Variants in SOX15 observed in about 807,000 individuals in gnomAD.
The protein encoded by SOX15 is SRY-box transcription factor 15.
A neutral mutation model predicts 15.9 loss-of-function variants in SOX15; 12 were observed. That is an observed-to-expected ratio of 0.75 (90% CI 0.48 to 1.22). The LOEUF (loss-of-function observed/expected upper bound fraction) is 1.22. Among genes scored for constraint, SOX15 ranks in the 50% most tolerant of loss-of-function variants. The pLI is 0.00. For synonymous variants in SOX15, 149 were observed against 142.8 expected, an observed-to-expected ratio of 1.04 and a Z score of -0.31; for missense variants, 309 against 313.9, an observed-to-expected ratio of 0.98 and a Z score of 0.12.
rs2071639621 is a variant in SOX15, at chr17:7,589,943, AC to A, written c.-268del. The A allele has an allele frequency of 2.3e-5, 10 of 434,448 alleles. No individual in the cohort carries two copies. Among genetic ancestry groups the A allele is most frequent in the Middle Eastern group, 6.0e-4 (1 of 1,678 alleles). 26.9% of individuals were successfully genotyped at this position (434,448 alleles called of 1,614,324 possible). A position where few individuals can be genotyped will look rare whatever the true frequency, so the allele number is the denominator to read the frequency against. ...TGTTCTGAGGCCTACTGACTGGGGG[AC>A]CCCCGGTCCCTCTCCCCGACCCGCA... On this transcript the variant is annotated 5_prime_UTR_variant, in exon 1 of 2. Transcript: ENST00000250055.
chr17:7,588,597 GTCTGGCCAGT>G (rs2071623765), intron 1 of SOX15, 51 bp from the exon 2 acceptor site: 1 of 1,568,732 alleles, frequency 6.4e-7, no homozygotes. Flanking sequence ...TTGGAGGTGA[GTCTGGCCAGT>G]TCTGGGCAGA....
intron 1 of SOX15, 127 bp downstream of exon 1, chr17:7,589,017 C>T (rs1388703036): frequency 4.6e-6 from 4 of 871,042 alleles, no homozygotes; most frequent in Non-Finnish European, 6.8e-6. Flanking sequence ...GGGCCTGCGC[C>T]CGCCACACCT....
chr17:7,588,572 G>A (rs1163384066), intron 1 of SOX15, 26 bp from the exon 2 acceptor site: 2 of 1,610,726 alleles, frequency 1.2e-6, no homozygotes, highest in Admixed American at 1.7e-5. Context: ...AGAGGTTAGA[G>A]GGCACTTCCC....
chr17:7,589,883 A>G lies in SOX15; in HGVS notation c.-207T>C. On this transcript the variant is annotated 5_prime_UTR_variant, in exon 1 of 2. Coordinates refer to ENST00000250055, the MANE Select transcript of SOX15 (RefSeq NM_006942.2). ...GCACACTTTGGGGAGAGTCGAATGC[A>G]AAATCCGCTGTCTGGTGCCCCGGCA... 1.7e-6 allele frequency: 1 copy of G among 574,542 alleles called. No homozygotes were observed. The highest frequency in any genetic ancestry group is 3.1e-5 in the East Asian group (1 of 32,516). 35.6% of individuals were successfully genotyped at this position (574,542 alleles called of 1,614,324 possible).
At position 7,590,050 on chromosome 17, in the gene SOX15, C is replaced by A; in HGVS notation, c.-374G>T. 4.2e-6 allele frequency: 1 copy of A among 236,090 alleles called. No homozygotes were observed. The highest frequency in any genetic ancestry group is 2.3e-5 in the African/African-American group (1 of 43,316). 14.6% of individuals were successfully genotyped at this position (236,090 alleles called of 1,614,324 possible). A position where few individuals can be genotyped will look rare whatever the true frequency, so the allele number is the denominator to read the frequency against. The stretch of plus-strand genomic sequence containing the variant: ...CTCCGGAGTTCCGACAGCTGCCAGG[C>A]GCGGATAGGCCAGACCTCTCCCACC... On this transcript the variant is annotated 5_prime_UTR_variant, in exon 1 of 2. Transcript: ENST00000250055.
In SOX15 at chr17:7,589,583, G is replaced by A. The variant is rs1464831989; in HGVS notation, c.94C>T (p.Arg32Trp). The A allele has an allele frequency of 1.9e-6, 3 of 1,576,734 alleles. No individual in the cohort carries two copies. The highest frequency in any genetic ancestry group is 2.6e-6 in the Non-Finnish European group (3 of 1,163,950). ...GCCGCGGGGCTCCCAGCGCCCTCCCGCTCCTGGGGTCCCGAAGATGAGGAG... is the reference window on the plus strand; with the variant it reads ...GCCGCGGGGCTCCCAGCGCCCTCCCACTCCTGGGGTCCCGAAGATGAGGAG... ...AASSSSGPQE[R>W]EGAGSPAAPG... The change falls in exon 1 of 2, where the codon CGG becomes TGG. Residue 32 changes from arginine (R) to tryptophan (W), a missense_variant. Transcript: ENST00000250055.
intron 1 of SOX15, 53 bp downstream of exon 1, chr17:7,589,091 C>A: frequency 7.0e-7 from 1 of 1,424,254 alleles, no homozygotes; most frequent in Non-Finnish European, 9.3e-7. Flanking sequence ...CACCAAGGCT[C>A]CAGAAGAGGG....
chr17:7,589,326 C>G lies in SOX15; in HGVS notation c.351G>C (p.Lys117Asn), dbSNP rs1461626859. Reference sequence around the variant, plus strand: ...TCTTGGCCTTGCGCCGAGGCCGGTACTTGTAGTCGGGGTAGTCGCGCAGGT... The same window carrying G: ...TCTTGGCCTTGCGCCGAGGCCGGTAGTTGTAGTCGGGGTAGTCGCGCAGGT... ...ARHLRDYPDY[K>N]YRPRRKAKSS... is the part of the protein sequence containing the mutation. Residue 117 changes from lysine to asparagine, a missense_variant, in exon 1 of 2, where the codon AAG (lysine) becomes AAC (asparagine). Transcript: ENST00000250055. The G allele has an allele frequency of 1.2e-6, 2 of 1,606,574 alleles. No homozygotes were observed. Among genetic ancestry groups the G allele is most frequent in the South Asian group, 1.1e-5 (1 of 90,342 alleles).
chr17:7,588,433 G>C lies in SOX15; in HGVS notation c.647C>G (p.Pro216Arg). 1.2e-6 allele frequency: 2 copies of C among 1,613,844 alleles called. No homozygotes were observed. The highest frequency in any genetic ancestry group is 4.5e-5 in the East Asian group (2 of 44,872). Residue 216 changes from proline to arginine, a missense_variant, in exon 2 of 2, where the codon CCC becomes CGC. Coordinates refer to ENST00000250055, the MANE Select transcript of SOX15 (RefSeq NM_006942.2). ...TYTHYLPPGS[P>R]TPYNPPLAGA... The stretch of plus-strand genomic sequence containing the variant: ...AGCAAGGGGAGGGTTGTATGGAGTG[G>C]GAGAGCCAGGGGGCAGGTAGTGGGT...
Position 7,588,466 on chromosome 17 carries a change from G to A in SOX15, c.614C>T (p.Pro205Leu), listed in dbSNP as rs2071621485. The change falls in exon 2 of 2, where the codon CCC (proline) becomes CTC (leucine). Residue 205 changes from proline (P) to leucine (L), a missense_variant. Physicochemically the swap from Pro to Leu is moderately conservative, Grantham distance 98 (BLOSUM62 -3). Coordinates refer to ENST00000250055, the MANE Select transcript of SOX15 (RefSeq NM_006942.2). ...AGGGGGCAGGTAGTGGGTATAGGTG[G>A]GCAGCAGTTCCCCCTGGAGCCTAGG... ...SDPRLQGELLPTYTHYLPPGS... is the reference protein window; with the variant it reads ...SDPRLQGELLLTYTHYLPPGS... 2 of 1,613,754 alleles carry A rather than the reference G, an allele frequency of 1.2e-6. No homozygotes were observed. Among genetic ancestry groups the A allele is most frequent in the Non-Finnish European group, 1.7e-6 (2 of 1,179,842 alleles).
Position 7,589,908 on chromosome 17 carries a change from A to C in SOX15, c.-232T>G. ...AAAATCCGCTGTCTGGTGCCCCGGC[A>C]CTGAAGAGGTGTTCTGAGGCCTACT... On this transcript the variant is annotated 5_prime_UTR_variant, in exon 1 of 2. Transcript: ENST00000250055. The C allele has an allele frequency of 1.8e-6, 1 of 556,436 alleles. No individual in the cohort carries two copies. The highest frequency in any genetic ancestry group is 3.1e-6 in the Non-Finnish European group (1 of 318,256). 34.5% of individuals were successfully genotyped at this position (556,436 alleles called of 1,614,324 possible). A position where few individuals can be genotyped will look rare whatever the true frequency, so the allele number is the denominator to read the frequency against.
At position 7,589,648 on chromosome 17, in the gene SOX15, T is replaced by G; in HGVS notation, c.29A>C (p.Gln10Pro). Residue 10 changes from glutamine (Q) to proline (P), a missense_variant, in exon 1 of 2, where the codon CAG becomes CCG. By Grantham distance (76) the Gln-to-Pro change is moderately conservative. Transcript: ENST00000250055. ...AGCCGGAGGCTCCAGGCTCCAGGCC[T>G]GGTCCTGTGAGGAGCCTGGTAGCGC... MALPGSSQDQAWSLEPPAAT... is the reference protein window; with the variant it reads MALPGSSQDPAWSLEPPAAT... The G allele has an allele frequency of 6.5e-7, 1 of 1,545,644 alleles. No homozygotes were observed. The highest frequency in any genetic ancestry group is 1.4e-5 in the African/African-American group (1 of 73,336).
chr17:7,589,502 A>G lies in SOX15; in HGVS notation c.175T>C (p.Trp59Arg). 1 of 1,613,164 alleles carries G rather than the reference A, an allele frequency of 6.2e-7. No individual in the cohort carries two copies. The highest frequency in any genetic ancestry group is 8.5e-7 in the Non-Finnish European group (1 of 1,179,716). Reference sequence around the variant, plus strand: ...ATCTGGCGGCGCTGAGCGGAGCTCCACACCATGAACGCGTTCATCGGCCGC... The same window carrying G: ...ATCTGGCGGCGCTGAGCGGAGCTCCGCACCATGAACGCGTTCATCGGCCGC... ...VKRPMNAFMV[W>R]SSAQRRQMAQ... is the part of the protein sequence containing the mutation. Residue 59 changes from tryptophan to arginine, a missense_variant, in exon 1 of 2, where the codon TGG becomes CGG. Coordinates refer to ENST00000250055, the MANE Select transcript of SOX15 (RefSeq NM_006942.2).
rs956096313 is a variant in SOX15, at chr17:7,589,317, A to G, written c.360T>C (p.Pro120=). 3.7e-6 allele frequency: 6 copies of G among 1,602,778 alleles called. No homozygotes were observed. The Admixed American group carries it at 5.2e-5, about 14-fold the overall frequency. ...CGCCCGAGCTCTTGGCCTTGCGCCG[A>G]GGCCGGTACTTGTAGTCGGGGTAGT... ...LRDYPDYKYR[P]RRKAKSSGAG... Residue 120 remains proline, a synonymous_variant, in exon 1 of 2, where the codon CCT becomes CCC. Coordinates refer to ENST00000250055, the MANE Select transcript of SOX15 (RefSeq NM_006942.2).
At position 7,589,088 on chromosome 17, in the gene SOX15, G is replaced by T. The variant is rs1041134645; in HGVS notation, c.533+56C>A. The T allele has an allele frequency of 4.2e-6, 6 of 1,412,754 alleles. No homozygotes were observed. In the African/African-American group the frequency reaches 7.3e-5, roughly 17 times the overall value. The allele number at this position is 1,412,754 out of a possible 1,614,324, so 87.5% of individuals were successfully genotyped here. ...TCCTCCGGCATCCGCCCCCACCAAG[G>T]CTCCAGAAGAGGGGCGCATGGGCCT... On this transcript the variant is annotated intron_variant, in intron 1 of 1. Coordinates refer to ENST00000250055, the MANE Select transcript of SOX15 (RefSeq NM_006942.2).
At position 7,589,437 on chromosome 17, in the gene SOX15, G is replaced by T. The variant is rs1249579195; in HGVS notation, c.240C>A (p.Ser80=). Reference sequence around the variant, plus strand: ...GCTTCCACTGCGCGCCCAGGCGCTTGGAGATCTCGGAGTTGTGCATCTTGG... The same window carrying T: ...GCTTCCACTGCGCGCCCAGGCGCTTTGAGATCTCGGAGTTGTGCATCTTGG... ...QNPKMHNSEI[S]KRLGAQWKLL... Residue 80 remains serine (S), a synonymous_variant, in exon 1 of 2, where the codon TCC becomes TCA. Transcript: ENST00000250055. 6.2e-7 allele frequency: 1 copy of T among 1,613,790 alleles called. No individual in the cohort carries two copies. Among genetic ancestry groups the T allele is most frequent in the Non-Finnish European group, 8.5e-7 (1 of 1,179,932 alleles).
intron 1 of SOX15, chr17:7,588,931 C>G (rs898461045): frequency 4.2e-5 from 25 of 590,264 alleles, no homozygotes; most frequent in African/African-American, 9.4e-5. Flanking sequence ...CAGGGCCCAC[C>G]ACCTTCAGAC....
Position 7,589,244 on chromosome 17 carries a change from C to G in SOX15, c.433G>C (p.Gly145Arg), listed in dbSNP as rs1218635261. ...GCGTACCCCGGCCCCCAGAGCGGGC[C>G]GCCGCTGGCCAGGTTGCCTCTTCCC... ...GQGRGNLASG[G>R]PLWGPGYATT... The change falls in exon 1 of 2, where the codon GGC becomes CGC. Residue 145 changes from glycine (G) to arginine (R), a missense_variant. Physicochemically the swap from Gly to Arg is moderately radical, Grantham distance 125. Coordinates refer to ENST00000250055, the MANE Select transcript of SOX15 (RefSeq NM_006942.2). 6.5e-7 allele frequency: 1 copy of G among 1,548,112 alleles called. No homozygotes were observed. The highest frequency in any genetic ancestry group is 1.4e-5 in the African/African-American group (1 of 73,206).
At position 7,589,184 on chromosome 17, in the gene SOX15, G is replaced by C; in HGVS notation, c.493C>G (p.Pro165Ala). ...TQPSRGFGYRPPSYSTAYLPG... is the reference protein window; with the variant it reads ...TQPSRGFGYRAPSYSTAYLPG... ...AGGTAGGCTGTCGAGTAGCTGGGGG[G>C]TCTGTACCCAAAGCCTCTGCTCGGT... The change falls in exon 1 of 2, where the codon CCC becomes GCC. Residue 165 changes from proline to alanine, a missense_variant. Transcript: ENST00000250055. The C allele has an allele frequency of 6.6e-7, 1 of 1,526,680 alleles. No homozygotes were observed. Among genetic ancestry groups the C allele is most frequent in the Non-Finnish European group, 8.8e-7 (1 of 1,133,726 alleles). The allele number at this position is 1,526,680 out of a possible 1,614,324, so 94.6% of individuals were successfully genotyped here.
Sources: gnomAD v4.1 joint callset for allele counts on GRCh38, gnomAD v4.1.1 for gene constraint, MANE v1.5 for transcripts, NCBI Gene and HGNC (gene_info 2026-07-23, HGNC 2026-07-21) for gene names.